RERE: variants seen among roughly 807,000 people sequenced by gnomAD.
RERE encodes arginine-glutamic acid dipeptide repeats protein.
In RERE, 40 loss-of-function variants were observed where a neutral mutation model predicts 146.1. That is an observed-to-expected ratio of 0.27 (90% CI 0.21 to 0.36). The LOEUF (loss-of-function observed/expected upper bound fraction) is 0.36, where lower values mean the gene tolerates loss of function less well. Ranked by LOEUF, RERE falls within the 10% of genes least tolerant of loss-of-function variation. RERE has a pLI of 1.00. For synonymous variants in RERE, 1,003 were observed against 866.0 expected (o/e 1.16, Z -2.78); for missense variants, 1,933 against 2,138.7 (o/e 0.90, Z 1.90).
chr1:8,605,963 G>A (rs1408095248), intron 4 of RERE, among the ~76,000 whole-genome samples: 1 of 146,520 alleles, frequency 6.8e-6, no homozygotes, highest in South Asian at 2.2e-4. Flanking sequence ...TCCCACCTCA[G>A]CCCTAAAAGT....
At chr1:8,760,230 T>C (rs1036092629) in intron 1 of RERE, among the ~76,000 whole-genome samples, 3 of 152,236 alleles carry the variant, frequency 2.0e-5, no homozygotes, top group Non-Finnish European at 4.4e-5. Flanking sequence ...TTTCATCATG[T>C]TGGCCAGACT....
chr1:8,654,273 T>A (rs1647800781), intron 2 of RERE, among the ~76,000 whole-genome samples: 1 of 151,538 alleles, frequency 6.6e-6, no homozygotes, highest in Non-Finnish European at 1.5e-5. Context: ...ACTCAAGCAA[T>A]CCTCCCGCCG....
At chr1:8,676,812 A>C (rs2124385733) in intron 1 of RERE, among the ~76,000 whole-genome samples, 1 of 152,320 alleles carries the variant, frequency 6.6e-6, no homozygotes, top group South Asian at 2.1e-4. Context: ...AGTTCTGTGA[A>C]TCTTTTTCTC....
intron 1 of RERE, among the ~76,000 whole-genome samples, chr1:8,689,156 T>A (rs1485334389): frequency 1.3e-5 from 2 of 152,186 alleles, no homozygotes; most frequent in East Asian, 3.8e-4. Flanking sequence ...TGGAGCAAAT[T>A]AAGTATGTTC....
chr1:8,531,007 T>TTCTATCTA (rs199738689), intron 7 of RERE, among the ~76,000 whole-genome samples: 2,004 of 140,338 alleles, frequency 0.014, 17 homozygotes, highest in East Asian at 0.025. Context: ...GAACTGAGTT[T>TTCTATCTA]TCTATCTATC....
chr1:8,700,847 C>T (rs550665564), intron 1 of RERE, among the ~76,000 whole-genome samples: 5 of 152,184 alleles, frequency 3.3e-5, no homozygotes, highest in East Asian at 3.9e-4. Flanking sequence ...CAAGCAAAAC[C>T]CTTTGGCCTT....
chr1:8,386,014 A>G (rs1570111992), intron 12 of RERE, among the ~76,000 whole-genome samples: 3 of 44,626 alleles, frequency 6.7e-5, no homozygotes, highest in Non-Finnish European at 1.2e-4. Context: ...ATATATATAT[A>G]TATATATATT....
At chr1:8,802,415 C>T (rs1053842622) in intron 1 of RERE, among the ~76,000 whole-genome samples, 2 of 152,216 alleles carry the variant, frequency 1.3e-5, no homozygotes, top group Non-Finnish European at 2.9e-5. Context: ...ATTTAATAAT[C>T]CCCATCATAG....
intron 12 of RERE, among the ~76,000 whole-genome samples, chr1:8,400,273 T>C (rs1643206198): frequency 6.7e-6 from 1 of 148,520 alleles, no homozygotes; most frequent in Non-Finnish European, 1.5e-5. Context: ...TATTATAGTT[T>C]GACAAAGTCA....
rs548435203 is a variant in RERE at position 8,423,025 on chromosome 1, G to A, written c.1204-218C>T. ...TCAGAACCCCAATCCCACCCACCAC[G>A]CAGGGCAGCGCGTTTAAGAGAAGGA... On this transcript the variant is annotated intron_variant, in intron 11 of 22. Transcript: ENST00000400908. This position sits in a 1 kb window ranked among gnomAD's most constrained non-coding sequence, Gnocchi z 5.4. The A allele has an allele frequency of 7.6e-4, 393 of 519,432 alleles. 3 individuals are homozygous for A. Among genetic ancestry groups the A allele is most frequent in the Middle Eastern group, 3.2e-3 (6 of 1,870 alleles). The allele number at this position is 519,432 out of a possible 1,614,324, so 32.2% of individuals were successfully genotyped here.
chr1:8,797,155 C>CT (rs1406742517), intron 1 of RERE, among the ~76,000 whole-genome samples: 1 of 152,084 alleles, frequency 6.6e-6, no homozygotes, highest in Non-Finnish European at 1.5e-5. Context: ...AGGAGGATCA[C>CT]TTGAGGCCAG....
At chr1:8,755,486 C>A (rs1640623087) in intron 1 of RERE, among the ~76,000 whole-genome samples, 1 of 152,068 alleles carries the variant, frequency 6.6e-6, no homozygotes, top group South Asian at 2.1e-4. Flanking sequence ...AAGAAAAAGA[C>A]CACGAAAATT....
chr1:8,375,329 A>T (rs1642196799), intron 12 of RERE, among the ~76,000 whole-genome samples: 1 of 152,258 alleles, frequency 6.6e-6, no homozygotes, highest in Non-Finnish European at 1.5e-5. Flanking sequence ...TTTGTAAAAG[A>T]AATGACATTT....
At chr1:8,370,590 G>C (rs902620875) in intron 12 of RERE, among the ~76,000 whole-genome samples, 2 of 152,190 alleles carry the variant, frequency 1.3e-5, no homozygotes, top group African/African-American at 4.8e-5. Context: ...CCTATCAAGG[G>C]ATTCAACACT....
chr1:8,790,605 CAG>C (rs1383883119), intron 1 of RERE, among the ~76,000 whole-genome samples: 2 of 152,194 alleles, frequency 1.3e-5, no homozygotes, highest in African/African-American at 2.4e-5. Context: ...GCTTTACTTA[CAG>C]AGTCTTGCTC....
Position 8,443,476 on chromosome 1 carries a change from A to G in RERE, c.1204-20669T>C, listed in dbSNP as rs188978078. Among the ~76,000 whole-genome samples, 898 of 151,290 alleles carry G rather than the reference A, an allele frequency of 5.9e-3. 4 individuals carry two copies. Among genetic ancestry groups the G allele is most frequent in the African/African-American group, 0.019 (769 of 41,248 alleles). ...CAAAAAAAGAAAAAAAAAAAAAAAA[A>G]AAAGAAAGAAAAGCTTTCTCAGGAG... On this transcript the variant is annotated intron_variant, in intron 11 of 22. Transcript: ENST00000400908.
intron 4 of RERE, among the ~76,000 whole-genome samples, chr1:8,573,965 C>T (rs1260142318): frequency 2.6e-5 from 4 of 151,980 alleles, no homozygotes; most frequent in Non-Finnish European, 5.9e-5. Flanking sequence ...GCCACCACGC[C>T]CAGCTAATTT....
At chr1:8,776,018 T>C (rs369631137) in intron 1 of RERE, among the ~76,000 whole-genome samples, 10 of 152,326 alleles carry the variant, frequency 6.6e-5, no homozygotes, top group Middle Eastern at 3.4e-3. Flanking sequence ...GGCTAAACTT[T>C]TGCTTAACTG....
intron 7 of RERE, among the ~76,000 whole-genome samples, chr1:8,533,413 A>G (rs938480112): frequency 6.6e-6 from 1 of 152,194 alleles, no homozygotes; most frequent in Admixed American, 6.5e-5. Context: ...TTAATGGTAC[A>G]TGGTTTCTTC....
Sources: allele counts gnomAD v4.1 joint callset (sites outside exome capture counted in the v4.1 genomes callset), GRCh38; gene constraint gnomAD v4.1.1; non-coding constraint Gnocchi (gnomAD v3.1); transcripts MANE v1.5; gene names NCBI Gene and HGNC (gene_info 2026-07-23, HGNC 2026-07-21).